Variants in DLST observed in about 807,000 individuals in gnomAD.
DLST encodes dihydrolipoamide S-succinyltransferase.
Under a neutral mutation model 53.1 loss-of-function variants are expected in DLST, and 17 were observed. The ratio of observed to expected loss-of-function variants is 0.32; its 90% confidence interval spans 0.22 to 0.48. The LOEUF (loss-of-function observed/expected upper bound fraction) is 0.48. DLST is among the 20% of genes least tolerant of loss of function. The pLI is 0.99. For missense variants in DLST, 512 were observed against 583.9 expected, an observed-to-expected ratio of 0.88 and a Z score of 1.27; for synonymous variants, 206 against 204.8, an observed-to-expected ratio of 1.01 and a Z score of -0.05.
chr14:74,894,195 T>TA, intron 9 of DLST, 117 bp from the exon 10 acceptor site: 2 of 1,195,018 alleles, frequency 1.7e-6, no homozygotes, highest in Non-Finnish European at 2.3e-6. Flanking sequence ...CTCGTGTACT[T>TA]AGATACTGTA....
chr14:74,899,971 T>C lies in DLST; in HGVS notation c.950T>C (p.Ile317Thr). 6.2e-7 allele frequency: 1 copy of C among 1,613,874 alleles called. No homozygotes were observed. The highest frequency in any genetic ancestry group is 1.1e-5 in the South Asian group (1 of 91,056). The change falls in exon 12 of 15, where the codon ATC becomes ACC. Residue 317 changes from isoleucine to threonine, a missense_variant. Physicochemically the swap from Ile to Thr is moderately conservative, Grantham distance 89. Transcript: ENST00000334220. ...KEVVYRDYID[I>T]SVAVATPRGL... is the part of the protein sequence containing the mutation. ...GTGGTGTATAGGGATTATATTGACA[T>C]CAGTGTTGCAGTGGCCACCCCACGG... is the stretch of plus-strand genomic sequence containing the variant.
intron 8 of DLST, 118 bp from the exon 9 acceptor site, chr14:74,893,230 C>A: frequency 8.2e-7 from 1 of 1,217,350 alleles, no homozygotes; most frequent in Non-Finnish European, 1.2e-6. Context: ...TGGAGTGATA[C>A]TAATATACCT....
intron 2 of DLST, among the ~76,000 whole-genome samples, chr14:74,884,055 T>C (rs1883622723): frequency 6.6e-6 from 1 of 152,204 alleles, no homozygotes; most frequent in Admixed American, 6.5e-5. Flanking sequence ...AGGTTGGGAA[T>C]GTCAGTAAAG....
intron 6 of DLST, 22 bp downstream of exon 6, chr14:74,889,974 A>G (rs1425690035): frequency 1.9e-6 from 3 of 1,610,156 alleles, no homozygotes; most frequent in East Asian, 2.2e-5. Flanking sequence ...TTATATTCGT[A>G]CCAGCTTTTC....
chr14:74,885,846 G>C, intron 3 of DLST: 1 of 526,486 alleles, frequency 1.9e-6, no homozygotes, highest in Non-Finnish European at 3.3e-6. Flanking sequence ...CTGGGAGTGT[G>C]CCCACTCTCC....
chr14:74,888,170 G>A (rs1247835804), intron 3 of DLST, among the ~76,000 whole-genome samples: 1 of 152,016 alleles, frequency 6.6e-6, no homozygotes, highest in African/African-American at 2.4e-5. Flanking sequence ...GGTCTTTGAG[G>A]TTCGTTTTGA....
chr14:74,900,001 G>A lies in DLST; in HGVS notation c.975+5G>A. The A allele has an allele frequency of 6.2e-7, 1 of 1,611,316 alleles. No homozygotes were observed. The highest frequency in any genetic ancestry group is 8.5e-7 in the Non-Finnish European group (1 of 1,177,862). On this transcript the variant is annotated splice_donor_5th_base_variant and intron_variant, in intron 12 of 14. Transcript: ENST00000334220. ...GTTGCAGTGGCCACCCCACGGGTAT[G>A]TTGGGGCAGGAGGTGGGGAATGTTG...
chr14:74,900,139 C>A (rs1157266336), intron 12 of DLST, 143 bp downstream of exon 12: 3 of 1,072,278 alleles, frequency 2.8e-6, no homozygotes, highest in Admixed American at 4.2e-5. Context: ...TTCTTTTAAA[C>A]CATGCCGCAT....
chr14:74,890,780 T>C (rs563155185), intron 6 of DLST, among the ~76,000 whole-genome samples: 1 of 152,268 alleles, frequency 6.6e-6, no homozygotes, highest in East Asian at 1.9e-4. Context: ...TGGCACGATA[T>C]CGGCTCCACC....
chr14:74,889,607 G>A (rs182900884), intron 5 of DLST: 280 of 537,538 alleles, frequency 5.2e-4, no homozygotes, highest in African/African-American at 4.6e-3. Flanking sequence ...CTGACCTCAG[G>A]TGATCTGCCC....
In DLST at chr14:74,882,444, T is replaced by A; in HGVS notation, c.64-147T>A. 4 of 723,506 alleles carry A rather than the reference T, an allele frequency of 5.5e-6. No homozygotes were observed. The South Asian group carries it at 6.8e-5, about 12-fold the overall frequency. The allele number at this position is 723,506 out of a possible 1,614,324, so 44.8% of individuals were successfully genotyped here. ...GCAGGCCCAGCGTGTTGATTGGGTC[T>A]GCCAGCACGGTGTGTTGCATTTACC... On this transcript the variant is annotated intron_variant, in intron 1 of 14. Transcript: ENST00000334220.
chr14:74,899,718 C>G (rs1057372338), intron 11 of DLST, among the ~76,000 whole-genome samples: 1 of 152,152 alleles, frequency 6.6e-6, no homozygotes, highest in Non-Finnish European at 1.5e-5. Flanking sequence ...TGCCCAGGCT[C>G]AGTCAGGGAC....
At chr14:74,893,234 T>C in intron 8 of DLST, 114 bp from the exon 9 acceptor site, 3 of 1,250,332 alleles carry the variant, frequency 2.4e-6, no homozygotes, top group South Asian at 1.3e-5. Context: ...GTGATACTAA[T>C]ATACCTCAGA....
At chr14:74,896,372 G>C (rs1884077769) in intron 10 of DLST, among the ~76,000 whole-genome samples, 1 of 152,230 alleles carries the variant, frequency 6.6e-6, no homozygotes, top group South Asian at 2.1e-4. Context: ...TTGAATGCCA[G>C]GGTAGGAGTT....
Position 74,901,105 on chromosome 14 carries a change from G to A in DLST, c.1099G>A (p.Gly367Ser), listed in dbSNP as rs1277841068. ...ACTTGCCATTGAAGATATGGATGGC[G>A]GTACCTTCACCATTAGCAATGGAGG... ...NELAIEDMDGGTFTISNGGVF... is the reference protein window; with the variant it reads ...NELAIEDMDGSTFTISNGGVF... The change falls in exon 14 of 15, where the codon GGT (glycine) becomes AGT (serine). Residue 367 changes from glycine (G) to serine (S), a missense_variant. Gly to Ser is a moderately conservative substitution (Grantham distance 56, BLOSUM62 0). Around this residue, in one of 4 missense-constraint regions of DLST, gnomAD observed 186 missense variants for 260.4 expected, o/e 0.71. Transcript: ENST00000334220. The A allele has an allele frequency of 1.9e-6, 3 of 1,614,072 alleles. No individual in the cohort carries two copies. The highest frequency in any genetic ancestry group is 3.3e-5 in the Admixed American group (2 of 60,004).
Position 74,893,553 on chromosome 14 carries a change from T to C in DLST, c.672+129T>C, listed in dbSNP as rs1012890862. 1.0e-5 allele frequency: 10 copies of C among 977,462 alleles called. No individual in the cohort carries two copies. The African/African-American group carries it at 1.3e-4, about 13-fold the overall frequency. The allele number at this position is 977,462 out of a possible 1,614,324, so 60.5% of individuals were successfully genotyped here. A position where few individuals can be genotyped will look rare whatever the true frequency, so the allele number is the denominator to read the frequency against. On this transcript the variant is annotated intron_variant, in intron 9 of 14. Transcript: ENST00000334220. Reference sequence around the variant, plus strand: ...TCCCTCAACCTTGATAAAGGGAGTTTAGGATATAACTTCTTCATAGTCACA... The same window carrying C: ...TCCCTCAACCTTGATAAAGGGAGTTCAGGATATAACTTCTTCATAGTCACA...
rs1280092168 is a variant in DLST at position 74,902,898 on chromosome 14, C to G, written c.*568C>G. ...TGTCATTGACTTCAAGATGCCTCTT[C>G]TACCTCTTCCAGGAAGCACAGGCCA... On this transcript the variant is annotated 3_prime_UTR_variant, in exon 15 of 15. Coordinates refer to ENST00000334220, the MANE Select transcript of DLST (RefSeq NM_001933.5). The G allele has an allele frequency of 6.5e-6, 1 of 152,694 alleles. No individual in the cohort carries two copies. Among genetic ancestry groups the G allele is most frequent in the African/African-American group, 2.4e-5 (1 of 41,430 alleles). 9.5% of individuals were successfully genotyped at this position (152,694 alleles called of 1,614,324 possible).
At position 74,886,987 on chromosome 14, in the gene DLST, C is replaced by T. The variant is rs148937334; in HGVS notation, c.146+1353C>T. On this transcript the variant is annotated intron_variant, in intron 3 of 14. Coordinates refer to ENST00000334220, the MANE Select transcript of DLST (RefSeq NM_001933.5). The stretch of plus-strand genomic sequence containing the variant: ...AACTCCTGACATCAGGTGATCCGCC[C>T]GACTCAGCCTCCCAAAGTGCTGGGA... Among the ~76,000 whole-genome samples, 1,005 of 151,944 alleles carry T rather than the reference C, an allele frequency of 6.6e-3. 21 individuals are homozygous for T. Among genetic ancestry groups the T allele is most frequent in the Admixed American group, 0.034 (520 of 15,258 alleles).
Position 74,881,950 on chromosome 14 carries a change from C to A in DLST, c.-4C>A, listed in dbSNP as rs200502397. 42 of 1,554,232 alleles carry A rather than the reference C, an allele frequency of 2.7e-5. No individual in the cohort carries two copies. In the African/African-American group the frequency reaches 5.1e-4, roughly 19 times the overall value. On this transcript the variant is annotated 5_prime_UTR_variant, in exon 1 of 15. Transcript: ENST00000334220. Reference sequence around the variant, plus strand: ...GTCCGCCCGCCCTCGGCTCCTCCGCCGTGATGCTGTCCCGATCCCGCTGTG... The same window carrying A: ...GTCCGCCCGCCCTCGGCTCCTCCGCAGTGATGCTGTCCCGATCCCGCTGTG...
Sources: gnomAD v4.1 joint callset for allele counts (sites outside exome capture counted in the v4.1 genomes callset) on GRCh38, gnomAD v4.1.1 for gene constraint, gnomAD v4.1.1 regional missense constraint, MANE v1.5 for transcripts, NCBI Gene and HGNC (gene_info 2026-07-23, HGNC 2026-07-21) for gene names.